The following ELOVL7 variants were observed in gnomAD, a reference collection of about 807,000 sequenced individuals.
ELOVL7 encodes the protein ELOVL fatty acid elongase 7, also known as very long chain fatty acid elongase 7.
In ELOVL7, 27 loss-of-function variants were observed where a neutral mutation model predicts 35.7. The ratio of observed to expected loss-of-function variants is 0.76; its 90% CI spans 0.56 to 1.04. The LOEUF is 1.04. Among genes scored for constraint, ELOVL7 ranks in the 50% least tolerant of loss-of-function variants. The pLI, the probability that ELOVL7 is intolerant of heterozygous loss-of-function variation, is 0.00. For synonymous variants in ELOVL7, 113 were observed against 114.6 expected, an observed-to-expected ratio of 0.99 and a Z score of 0.09; for missense variants, 327 against 340.8, an observed-to-expected ratio of 0.96 and a Z score of 0.32.
At chr5:60,777,108 G>T (rs1351981122) in intron 3 of ELOVL7, among the ~76,000 whole-genome samples, 1 of 151,842 alleles carries the variant, frequency 6.6e-6, no homozygotes, top group African/African-American at 2.4e-5. Flanking sequence ...GGGTACTAGG[G>T]GGGTTGGGGG....
intron 3 of ELOVL7, among the ~76,000 whole-genome samples, chr5:60,778,189 C>T (rs1743024724): frequency 6.6e-6 from 1 of 152,092 alleles, no homozygotes; most frequent in South Asian, 2.1e-4. Context: ...GCAATTAAAA[C>T]CACCACAAGG....
At chr5:60,771,230 T>G (rs1742569095) in intron 4 of ELOVL7, among the ~76,000 whole-genome samples, 1 of 152,000 alleles carries the variant, frequency 6.6e-6, no homozygotes, top group Admixed American at 6.5e-5. Context: ...AGAACATACA[T>G]GGGGGTGGCT....
intron 2 of ELOVL7, among the ~76,000 whole-genome samples, chr5:60,792,691 T>C (rs576147012): frequency 6.6e-6 from 1 of 152,008 alleles, no homozygotes; most frequent in Non-Finnish European, 1.5e-5. Context: ...CTAAAAAAAA[T>C]TGGAGGGAGC....
At chr5:60,758,652 G>GT (rs1373634624) in intron 7 of ELOVL7, among the ~76,000 whole-genome samples, 1 of 152,168 alleles carries the variant, frequency 6.6e-6, no homozygotes, top group Non-Finnish European at 1.5e-5. Context: ...ACGTGGGAAT[G>GT]TAAGAAAAAA....
At chr5:60,775,759 GA>G (rs1742866191) in intron 3 of ELOVL7, among the ~76,000 whole-genome samples, 2 of 152,168 alleles carry the variant, frequency 1.3e-5, no homozygotes, top group African/African-American at 4.8e-5. Flanking sequence ...ATGGTGCTAG[GA>G]AAACTGGCTA....
intron 2 of ELOVL7, among the ~76,000 whole-genome samples, chr5:60,789,694 A>G (rs1439663827): frequency 6.6e-6 from 1 of 152,210 alleles, no homozygotes; most frequent in African/African-American, 2.4e-5. Flanking sequence ...AGAGCAAAAG[A>G]CTGGAAACAA....
At chr5:60,822,726 G>C (rs1290438689) in intron 1 of ELOVL7, among the ~76,000 whole-genome samples, 2 of 152,120 alleles carry the variant, frequency 1.3e-5, no homozygotes, top group Non-Finnish European at 2.9e-5. Flanking sequence ...ATCACTTAAG[G>C]GGAAGGCCAA....
chr5:60,802,271 G>C (rs981289252), intron 1 of ELOVL7, among the ~76,000 whole-genome samples: 1 of 151,766 alleles, frequency 6.6e-6, no homozygotes, highest in African/African-American at 2.4e-5. Context: ...TTATGTCAGT[G>C]GTTCTTAAAC....
At chr5:60,839,004 C>T (rs1309240407) in intron 1 of ELOVL7, among the ~76,000 whole-genome samples, 1 of 140,166 alleles carries the variant, frequency 7.1e-6, no homozygotes, top group African/African-American at 2.7e-5. Context: ...GCCCAGGCGA[C>T]AAGAACAAAA....
chr5:60,784,633 C>T (rs866683346), intron 3 of ELOVL7, among the ~76,000 whole-genome samples: 7 of 152,256 alleles, frequency 4.6e-5, no homozygotes, highest in Middle Eastern at 3.4e-3. Flanking sequence ...GCCAAGAATA[C>T]ACTTGAAATT....
Position 60,754,602 on chromosome 5 carries a change from G to T in ELOVL7, c.*22C>A, listed in dbSNP as rs754973632. The T allele has an allele frequency of 1.9e-6, 3 of 1,602,926 alleles. No individual in the cohort carries two copies. The highest frequency in any genetic ancestry group is 1.7e-5 in the Admixed American group (1 of 59,962). ...TCAAGGAAGACAATGTATCAGTTTC[G>T]ATCATAGACTTATGTTGGGCTTCAA... On this transcript the variant is annotated 3_prime_UTR_variant, in exon 9 of 9. Coordinates refer to ENST00000508821, the MANE Select transcript of ELOVL7 (RefSeq NM_024930.3).
chr5:60,789,956 G>A (rs1401745878), intron 2 of ELOVL7, among the ~76,000 whole-genome samples: 5 of 152,098 alleles, frequency 3.3e-5, no homozygotes, highest in South Asian at 2.1e-4. Context: ...TGGCCAACAC[G>A]GTGAAACCCT....
chr5:60,837,082 C>T (rs1426102934), intron 1 of ELOVL7, among the ~76,000 whole-genome samples: 1 of 151,580 alleles, frequency 6.6e-6, no homozygotes, highest in African/African-American at 2.4e-5. Flanking sequence ...TGTACCTGTG[C>T]ATATGATGAG....
chr5:60,769,832 T>C (rs1742466522), intron 4 of ELOVL7, among the ~76,000 whole-genome samples: 1 of 152,124 alleles, frequency 6.6e-6, no homozygotes, highest in Non-Finnish European at 1.5e-5. Flanking sequence ...GGTGGATCAC[T>C]AGAGTCTAGG....
At chr5:60,806,386 T>A (rs1744925700) in intron 1 of ELOVL7, among the ~76,000 whole-genome samples, 1 of 152,048 alleles carries the variant, frequency 6.6e-6, no homozygotes, top group Admixed American at 6.6e-5. Context: ...AAAGCCAGGG[T>A]TACCTATAAA....
At chr5:60,764,353 T>C (rs1226516571) in intron 6 of ELOVL7, 21 bp from the exon 7 acceptor site, 1 of 1,553,034 alleles carries the variant, frequency 6.4e-7, no homozygotes, top group Non-Finnish European at 8.9e-7. Flanking sequence ...TTAAAGAATA[T>C]CAAGTTCACA....
intron 4 of ELOVL7, among the ~76,000 whole-genome samples, chr5:60,768,859 A>G (rs1435340208): frequency 6.6e-6 from 1 of 152,172 alleles, no homozygotes; most frequent in Non-Finnish European, 1.5e-5. Flanking sequence ...CCATTGAACC[A>G]TATTTTAAAT....
chr5:60,778,644 T>C (rs751102059), intron 3 of ELOVL7, among the ~76,000 whole-genome samples: 14 of 152,270 alleles, frequency 9.2e-5, no homozygotes, highest in Non-Finnish European at 1.5e-4. Context: ...CTCCATAACA[T>C]GTGGGGATTA....
chr5:60,787,041 C>T (rs1743642108), intron 3 of ELOVL7, among the ~76,000 whole-genome samples: 1 of 151,998 alleles, frequency 6.6e-6, no homozygotes, highest in African/African-American at 2.4e-5. Flanking sequence ...CACTGTCCTT[C>T]CAAAATCACT....
Sources: gnomAD v4.1 joint callset for allele counts (sites outside exome capture counted in the v4.1 genomes callset) on GRCh38, gnomAD v4.1.1 for gene constraint, MANE v1.5 for transcripts, NCBI Gene and HGNC (gene_info 2026-07-23, HGNC 2026-07-21) for gene names.